Variants in SNX18 observed in about 807,000 individuals in gnomAD.
The protein encoded by SNX18 is sorting nexin-18.
A neutral mutation model predicts 48.7 loss-of-function variants in SNX18; 35 were observed. That is an observed-to-expected ratio of 0.72 (90% confidence interval 0.55 to 0.95). The LOEUF (loss-of-function observed/expected upper bound fraction) is 0.95. Ranked by LOEUF, SNX18 falls within the 40% of genes least tolerant of loss-of-function variation. The pLI is 0.00. For missense variants in SNX18, 824 were observed against 871.0 expected (o/e 0.95, Z 0.68); for synonymous variants, 492 against 384.7 (o/e 1.28, Z -3.26).
At chr5:54,565,354 GC>G in the SNX18 span, among the ~76,000 whole-genome samples, 1 of 152,088 alleles carries the variant, frequency 6.6e-6, no homozygotes, top group Non-Finnish European at 1.5e-5. Context: ...CAGGAGAATT[GC>G]TTGAGGCCAG....
chr5:54,625,843 G>A, the SNX18 span, among the ~76,000 whole-genome samples: 2 of 152,160 alleles, frequency 1.3e-5, no homozygotes, highest in African/African-American at 4.8e-5. Flanking sequence ...AAACTCTTGG[G>A]AAAGAAATCT....
In SNX18 at chr5:54,518,625, G is replaced by C; in HGVS notation, c.673G>C (p.Val225Leu). 6.4e-7 allele frequency: 1 copy of C among 1,560,416 alleles called. No individual in the cohort carries two copies. The highest frequency in any genetic ancestry group is 8.7e-7 in the Non-Finnish European group (1 of 1,155,386). Residue 225 changes from valine to leucine, a missense_variant, in exon 1 of 2, where the codon GTG (valine) becomes CTG (leucine). Around this residue, in one of 3 missense-constraint regions of SNX18, gnomAD observed 377 missense variants for 350.6 expected, o/e 1.08. Coordinates refer to ENST00000381410, the MANE Select transcript of SNX18 (RefSeq NM_001102575.2). ...HPSGPKSSAT[V>L]SRNLNRFSTF... The stretch of plus-strand genomic sequence containing the variant: ...GTCGGGGCCCAAGAGCTCGGCCACC[G>C]TGAGCCGCAACCTCAATCGCTTCTC...
chr5:54,637,851 A>G, the SNX18 span, among the ~76,000 whole-genome samples: 1 of 152,200 alleles, frequency 6.6e-6, no homozygotes, highest in Non-Finnish European at 1.5e-5. Context: ...GCTTTCCAGA[A>G]GAGCAAACCT....
the SNX18 span, among the ~76,000 whole-genome samples, chr5:54,584,272 T>A: frequency 1.3e-5 from 2 of 152,030 alleles, no homozygotes; most frequent in African/African-American, 4.8e-5. Flanking sequence ...GGTCTCAAAC[T>A]CCTGAGCTCA....
the SNX18 span, among the ~76,000 whole-genome samples, chr5:54,568,213 T>C: frequency 1.3e-5 from 2 of 152,218 alleles, no homozygotes; most frequent in Non-Finnish European, 2.9e-5. Context: ...AGATTTGTGT[T>C]TGTGCTCTTG....
At chr5:54,640,101 C>G in the SNX18 span, among the ~76,000 whole-genome samples, 1 of 152,256 alleles carries the variant, frequency 6.6e-6, no homozygotes, top group Non-Finnish European at 1.5e-5. Flanking sequence ...ATATCTTATC[C>G]CCTGGCAGAA....
the SNX18 span, among the ~76,000 whole-genome samples, chr5:54,610,672 C>T: frequency 6.6e-6 from 1 of 152,150 alleles, no homozygotes; most frequent in Admixed American, 6.5e-5. Flanking sequence ...TAAATAACCA[C>T]GAATGTTTAT....
the SNX18 span, among the ~76,000 whole-genome samples, chr5:54,608,605 A>G: frequency 6.6e-6 from 1 of 152,208 alleles, no homozygotes; most frequent in Non-Finnish European, 1.5e-5. Context: ...ATATGGAGAT[A>G]GCCTGAGCTG....
At chr5:54,573,509 TG>T in the SNX18 span, among the ~76,000 whole-genome samples, 25 of 152,308 alleles carry the variant, frequency 1.6e-4, no homozygotes, top group African/African-American at 5.1e-4. Flanking sequence ...TGCTTTTTCC[TG>T]GGGCTTTGAG....
At chr5:54,596,404 CT>C in the SNX18 span, among the ~76,000 whole-genome samples, 3 of 152,242 alleles carry the variant, frequency 2.0e-5, no homozygotes, top group South Asian at 6.2e-4. Flanking sequence ...GAGGCTGAGG[CT>C]TTTAAAAAGG....
At chr5:54,605,780 C>T in the SNX18 span, among the ~76,000 whole-genome samples, 1 of 152,140 alleles carries the variant, frequency 6.6e-6, no homozygotes, top group African/African-American at 2.4e-5. Context: ...CTGCCTCAGC[C>T]TCTCAAGTAG....
chr5:54,640,267 G>T, the SNX18 span, among the ~76,000 whole-genome samples: 1 of 151,164 alleles, frequency 6.6e-6, no homozygotes, highest in African/African-American at 2.4e-5. Flanking sequence ...AGACTGGAGT[G>T]CGGTAGCTCT....
the SNX18 span, among the ~76,000 whole-genome samples, chr5:54,565,019 C>T: frequency 6.6e-6 from 1 of 152,196 alleles, no homozygotes; most frequent in Non-Finnish European, 1.5e-5. Flanking sequence ...TCTTCACAGC[C>T]AGTGATGGCT....
chr5:54,550,507 A>G (rs1419669434), downstream of SNX18, among the ~76,000 whole-genome samples: 1 of 152,226 alleles, frequency 6.6e-6, no homozygotes, highest in African/African-American at 2.4e-5. Flanking sequence ...AATTAAATGA[A>G]AAAAAGAGGC....
the SNX18 span, among the ~76,000 whole-genome samples, chr5:54,615,448 C>A: frequency 6.6e-6 from 1 of 150,946 alleles, no homozygotes; most frequent in African/African-American, 2.4e-5. Context: ...CAGCTTGGGT[C>A]ATCTCCTCTG....
At chr5:54,622,620 A>G in the SNX18 span, among the ~76,000 whole-genome samples, 363 of 148,194 alleles carry the variant, frequency 2.4e-3, 1 homozygote, top group African/African-American at 7.0e-3. Flanking sequence ...AAATATATAT[A>G]AGTATATATA....
Position 54,518,565 on chromosome 5 carries a change from TC to T in SNX18, c.616del (p.Arg206AlafsTer20). ...LSTRSDLSLG[S>X]RGGSVPPQHH... is the part of the protein sequence containing the mutation. ...CACGCGCTCCGACCTGTCCCTGGGT[TC>T]CCGCGGCGGCTCGGTCCCCCCGCAG... On this transcript the variant is annotated frameshift_variant, in exon 1 of 2. Transcript: ENST00000381410. LOFTEE classifies it high-confidence loss of function. 1 of 1,579,286 alleles carries T rather than the reference TC, an allele frequency of 6.3e-7. No individual in the cohort carries two copies.
chr5:54,601,012 G>A, the SNX18 span, among the ~76,000 whole-genome samples: 3 of 152,100 alleles, frequency 2.0e-5, no homozygotes, highest in South Asian at 2.1e-4. Flanking sequence ...TTAAAAAGAT[G>A]AACTATGGAA....
At chr5:54,520,043 T>G (rs1461094615) in intron 1 of SNX18, 9 of 498,236 alleles carry the variant, frequency 1.8e-5, no homozygotes, top group African/African-American at 3.8e-5. Context: ...CCTCTCAATC[T>G]CTGCTTTGGT....
Sources: gnomAD v4.1 joint callset for allele counts (sites outside exome capture counted in the v4.1 genomes callset) on GRCh38, gnomAD v4.1.1 for gene constraint, gnomAD v4.1.1 regional missense constraint, MANE v1.5 for transcripts, NCBI Gene and HGNC (gene_info 2026-07-23, HGNC 2026-07-21) for gene names.